Variants in MYRIP observed in about 807,000 individuals in gnomAD.
MYRIP encodes the protein rab effector MyRIP.
MYRIP carries 49 observed loss-of-function variants against 98.0 expected under a neutral mutation model. The observed-to-expected ratio is 0.50, with a 90% CI of 0.40 to 0.63. The LOEUF (loss-of-function observed/expected upper bound fraction) is 0.63. MYRIP is among the 30% of genes least tolerant of loss of function. The pLI is 0.00. For missense variants in MYRIP, 1,004 were observed against 1,058.2 expected (o/e 0.95, Z 0.71); for synonymous variants, 404 against 409.5 (o/e 0.99, Z 0.16).
intron 3 of MYRIP, among the ~76,000 whole-genome samples, chr3:40,105,868 C>T (rs1408964727): frequency 6.6e-6 from 1 of 152,130 alleles, no homozygotes; most frequent in Non-Finnish European, 1.5e-5. Flanking sequence ...GAAACTGCCC[C>T]CATGATCCAA....
chr3:39,816,069 T>G (rs35262592), intron 1 of MYRIP, among the ~76,000 whole-genome samples: 1 of 139,750 alleles, frequency 7.2e-6, no homozygotes. Context: ...ATTTGCCTTT[T>G]CTTTTTTTCT....
Position 39,990,232 on chromosome 3 carries a change from G to C in MYRIP, c.111-53818G>C, listed in dbSNP as rs370239064. On this transcript the variant is annotated intron_variant, in intron 2 of 16. Transcript: ENST00000302541. ...GCTCATTCACTGACTCCCTTGGCTG[G>C]GGGGAGTGGACTCCTCTGCCCTGTG... 1.5e-3 allele frequency among the ~76,000 whole-genome samples: 230 copies of C among 152,256 alleles called. 1 individual carries two copies. The highest frequency in any genetic ancestry group is 5.2e-3 in the African/African-American group (217 of 41,556).
chr3:39,825,527 T>C (rs949323005), intron 1 of MYRIP, among the ~76,000 whole-genome samples: 2 of 152,212 alleles, frequency 1.3e-5, no homozygotes, highest in African/African-American at 4.8e-5. Flanking sequence ...CATCGCTGTA[T>C]CCTTGAGATA....
At chr3:40,058,706 C>A (rs1947935312) in intron 3 of MYRIP, among the ~76,000 whole-genome samples, 1 of 147,182 alleles carries the variant, frequency 6.8e-6, no homozygotes, top group African/African-American at 2.5e-5. Flanking sequence ...GAGATAATCA[C>A]CATTTTGAAC....
chr3:40,034,873 C>A (rs925063803), intron 2 of MYRIP, among the ~76,000 whole-genome samples: 58 of 151,680 alleles, frequency 3.8e-4, no homozygotes, highest in African/African-American at 1.4e-3. Flanking sequence ...CACATATACA[C>A]CATGGAATAC....
chr3:40,166,461 G>A, intron 5 of MYRIP, among the ~76,000 whole-genome samples: 1 of 152,142 alleles, frequency 6.6e-6, no homozygotes, highest in Non-Finnish European at 1.5e-5. Flanking sequence ...TTTGGATGAT[G>A]AAAGCAAGCC....
chr3:40,134,889 C>T (rs568436402), intron 3 of MYRIP, among the ~76,000 whole-genome samples: 4 of 152,230 alleles, frequency 2.6e-5, no homozygotes, highest in African/African-American at 9.6e-5. Flanking sequence ...CTGTACGTCA[C>T]CATCATCAAA....
chr3:40,079,758 G>A (rs1575520594), intron 3 of MYRIP, among the ~76,000 whole-genome samples: 1 of 152,186 alleles, frequency 6.6e-6, no homozygotes, highest in South Asian at 2.1e-4. Flanking sequence ...CAGAAGGCTG[G>A]GGCCAAGGGA....
At chr3:40,130,556 A>G (rs555854986) in intron 3 of MYRIP, among the ~76,000 whole-genome samples, 1 of 150,786 alleles carries the variant, frequency 6.6e-6, no homozygotes, top group African/African-American at 2.4e-5. Flanking sequence ...TTTTTTTTGT[A>G]TTTTTAGTAG....
intron 1 of MYRIP, among the ~76,000 whole-genome samples, chr3:39,840,070 G>A (rs1356585898): frequency 6.6e-6 from 1 of 152,124 alleles, no homozygotes; most frequent in East Asian, 1.9e-4. Flanking sequence ...TGACAGTGGG[G>A]TGTTAAAGTC....
chr3:39,916,141 A>C (rs1330764747), intron 2 of MYRIP, among the ~76,000 whole-genome samples: 2 of 152,120 alleles, frequency 1.3e-5, no homozygotes, highest in Admixed American at 6.5e-5. Context: ...ACCAGTACTT[A>C]GAACTGATAT....
intron 3 of MYRIP, among the ~76,000 whole-genome samples, chr3:40,144,910 T>G (rs1223720862): frequency 6.6e-6 from 1 of 152,236 alleles, no homozygotes; most frequent in African/African-American, 2.4e-5. Flanking sequence ...TGCTCGAGTT[T>G]GCTCCTTTGG....
intron 3 of MYRIP, among the ~76,000 whole-genome samples, chr3:40,048,506 C>CA (rs1947717694): frequency 6.6e-6 from 1 of 151,694 alleles, no homozygotes; most frequent in African/African-American, 2.4e-5. Context: ...CTGGGGCTGT[C>CA]TATTGTACAG....
At chr3:40,216,434 A>C (rs758997508) in intron 11 of MYRIP, among the ~76,000 whole-genome samples, 1 of 152,216 alleles carries the variant, frequency 6.6e-6, no homozygotes, top group African/African-American at 2.4e-5. Flanking sequence ...ATCTCTGGGT[A>C]GAAAATATAA....
intron 2 of MYRIP, among the ~76,000 whole-genome samples, chr3:40,033,541 C>T (rs1947307893): frequency 6.6e-6 from 1 of 152,124 alleles, no homozygotes; most frequent in Non-Finnish European, 1.5e-5. Flanking sequence ...TCAAGGAGAA[C>T]TACAAACCAC....
At chr3:39,921,042 C>T (rs1167070627) in intron 2 of MYRIP, among the ~76,000 whole-genome samples, 1 of 152,196 alleles carries the variant, frequency 6.6e-6, no homozygotes, top group Non-Finnish European at 1.5e-5. Flanking sequence ...CAGTAAAACT[C>T]TACTTGAATT....
intron 2 of MYRIP, among the ~76,000 whole-genome samples, chr3:39,901,371 A>G (rs1010943735): frequency 1.3e-5 from 2 of 152,190 alleles, no homozygotes; most frequent in Non-Finnish European, 2.9e-5. Flanking sequence ...GATACAAGGA[A>G]ACTGACCACC....
intron 1 of MYRIP, among the ~76,000 whole-genome samples, chr3:39,862,850 C>T (rs1202564024): frequency 6.6e-6 from 1 of 152,130 alleles, no homozygotes; most frequent in Non-Finnish European, 1.5e-5. Context: ...TTCTTTTCAC[C>T]TGCACATGGT....
chr3:40,141,027 C>A (rs1392872721), intron 3 of MYRIP, among the ~76,000 whole-genome samples: 3 of 151,850 alleles, frequency 2.0e-5, no homozygotes, highest in South Asian at 2.1e-4. Flanking sequence ...TTTTTTGTAC[C>A]CATTAACCAT....
Sources: allele counts gnomAD v4.1 joint callset (sites outside exome capture counted in the v4.1 genomes callset), GRCh38; gene constraint gnomAD v4.1.1; transcripts MANE v1.5; gene names NCBI Gene and HGNC (gene_info 2026-07-23, HGNC 2026-07-21).